The following MUL1 variants were observed in gnomAD, a reference collection of about 807,000 sequenced individuals.
MUL1 encodes the protein mitochondrial E3 ubiquitin protein ligase 1.
In MUL1, 30 loss-of-function variants were observed where a neutral mutation model predicts 34.1. That is an observed-to-expected ratio of 0.88 (90% CI 0.66 to 1.19). The LOEUF (loss-of-function observed/expected upper bound fraction) is 1.19, where lower values mean the gene tolerates loss of function less well. Ranked by LOEUF, MUL1 falls within the 50% of genes most tolerant of loss-of-function variation. The probability of loss-of-function intolerance (pLI) is 0.00; values close to 1 mark genes in which losing one functional copy is unlikely to be tolerated. For synonymous variants in MUL1, 191 were observed against 187.8 expected, an observed-to-expected ratio of 1.02 and a Z score of -0.14; for missense variants, 419 against 450.5, an observed-to-expected ratio of 0.93 and a Z score of 0.63.
Position 20,500,765 on chromosome 1 carries a change from G to A in MUL1, c.984C>T (p.Arg328=), listed in dbSNP as rs148112540. 1.3e-3 allele frequency: 2,146 copies of A among 1,613,792 alleles called. 1 individual carries two copies. Among genetic ancestry groups the A allele is most frequent in the Middle Eastern group, 2.6e-3 (16 of 6,060 alleles). ...GHVCSCTECY[R]ALPEPKKCPI... ...GGCACTTCTTGGGCTCTGGCAAGGC[G>A]CGGTAGCACTCGGTGCAGGAACAAA... Residue 328 remains arginine, a synonymous_variant, in exon 4 of 4, where the codon CGC becomes CGT. Transcript: ENST00000264198.
At chr1:20,504,749 G>A (rs2051696724) in intron 1 of MUL1, among the ~76,000 whole-genome samples, 2 of 152,192 alleles carry the variant, frequency 1.3e-5, no homozygotes, top group South Asian at 2.1e-4. Flanking sequence ...CACACAGCAA[G>A]CATTTAATAC....
rs545543120 is a variant in MUL1 at position 20,501,580 on chromosome 1, T to C, written c.330-161A>G. On this transcript the variant is annotated intron_variant, in intron 3 of 3. Coordinates refer to ENST00000264198, the MANE Select transcript of MUL1 (RefSeq NM_024544.3). This position sits in a 1 kb window ranked among gnomAD's most constrained non-coding sequence, Gnocchi z 4.2. ...TTGCCTCCTAACAAGGAGGCTCCAT[T>C]TGTAGGTCCTGGGGCGATATCAGTG... 6.6e-6 allele frequency among the ~76,000 whole-genome samples: 1 copy of C among 152,266 alleles called. No homozygotes were observed. The highest frequency in any genetic ancestry group is 6.5e-5 in the Admixed American group (1 of 15,286).
Position 20,501,262 on chromosome 1 carries a change from T to G in MUL1, c.487A>C (p.Ile163Leu), listed in dbSNP as rs758388916. The stretch of plus-strand genomic sequence containing the variant: ...CCGATGACATCGGTGAAGGACTGAA[T>G]CGAGGGGTGGAACTTCTCATACACA... ...ETVYEKFHPS[I>L]QSFTDVIGHY... Residue 163 changes from isoleucine to leucine, a missense_variant, in exon 4 of 4, where the codon ATT (isoleucine) becomes CTT (leucine). Ile to Leu is a conservative substitution (Grantham distance 5, BLOSUM62 2). Coordinates refer to ENST00000264198, the MANE Select transcript of MUL1 (RefSeq NM_024544.3). The surrounding 1 kb of genome is among the most constrained non-coding windows in gnomAD (Gnocchi z 4.2). 6.2e-7 allele frequency: 1 copy of G among 1,614,138 alleles called. No homozygotes were observed. Among genetic ancestry groups the G allele is most frequent in the Non-Finnish European group, 8.5e-7 (1 of 1,180,026 alleles).
In MUL1 at chr1:20,501,561, C is replaced by T; in HGVS notation, c.330-142G>A. ...GTAAGATCACTATCTCCAGTTGCCT[C>T]CTAACAAGGAGGCTCCATTTGTAGG... is the stretch of plus-strand genomic sequence containing the variant. On this transcript the variant is annotated intron_variant, in intron 3 of 3. Transcript: ENST00000264198. This position sits in a 1 kb window ranked among gnomAD's most constrained non-coding sequence, Gnocchi z 4.2. 1.1e-6 allele frequency: 1 copy of T among 947,376 alleles called. No individual in the cohort carries two copies. Among genetic ancestry groups the T allele is most frequent in the Non-Finnish European group, 1.5e-6 (1 of 651,070 alleles). The allele number at this position is 947,376 out of a possible 1,614,324, so 58.7% of individuals were successfully genotyped here.
At chr1:20,506,980 C>T (rs1295735609) in intron 1 of MUL1, among the ~76,000 whole-genome samples, 1 of 152,164 alleles carries the variant, frequency 6.6e-6, no homozygotes, top group Non-Finnish European at 1.5e-5. Context: ...TACATCCCAA[C>T]GCTTCGGAGA....
In MUL1 at chr1:20,501,472, G is replaced by A; in HGVS notation, c.330-53C>T. Reference sequence around the variant, plus strand: ...AGGGTAGCAAACAGCAAACACCCAGGCAGAACTGGAGATCAACTAAATGTG... The same window carrying A: ...AGGGTAGCAAACAGCAAACACCCAGACAGAACTGGAGATCAACTAAATGTG... On this transcript the variant is annotated intron_variant, in intron 3 of 3. Transcript: ENST00000264198. This position sits in a 1 kb window ranked among gnomAD's most constrained non-coding sequence, Gnocchi z 4.2. The A allele has an allele frequency of 6.4e-7, 1 of 1,558,234 alleles. No individual in the cohort carries two copies. Among genetic ancestry groups the A allele is most frequent in the South Asian group, 1.2e-5 (1 of 83,722 alleles).
chr1:20,504,284 C>G (rs573585018), intron 1 of MUL1, among the ~76,000 whole-genome samples: 2 of 152,176 alleles, frequency 1.3e-5, no homozygotes, highest in South Asian at 4.1e-4. Context: ...GAGCGTCCAA[C>G]CCACTGCACT....
chr1:20,504,208 G>A (rs2051691568), intron 1 of MUL1, among the ~76,000 whole-genome samples: 1 of 152,094 alleles, frequency 6.6e-6, no homozygotes, highest in Non-Finnish European at 1.5e-5. Context: ...ATAATTAAGT[G>A]AGCACGGTTC....
rs369085744 is a variant in MUL1, at chr1:20,501,248, G to A, written c.501C>T (p.Thr167=). The A allele has an allele frequency of 1.4e-5, 22 of 1,614,016 alleles. No homozygotes were observed. The highest frequency in any genetic ancestry group is 4.0e-5 in the African/African-American group (3 of 74,912). The change falls in exon 4 of 4, where the codon ACC becomes ACT. Residue 167 remains threonine (T), a synonymous_variant. Transcript: ENST00000264198. The surrounding 1 kb of genome is among the most constrained non-coding windows in gnomAD (Gnocchi z 4.2). The part of the protein sequence containing the change: ...EKFHPSIQSF[T]DVIGHYISGE... ...CGCTGATGTAGTGGCCGATGACATCGGTGAAGGACTGAATCGAGGGGTGGA... is the reference window on the plus strand; with the variant it reads ...CGCTGATGTAGTGGCCGATGACATCAGTGAAGGACTGAATCGAGGGGTGGA...
intron 1 of MUL1, among the ~76,000 whole-genome samples, chr1:20,504,629 C>G (rs1324889237): frequency 1.3e-5 from 2 of 152,188 alleles, no homozygotes; most frequent in African/African-American, 4.8e-5. Flanking sequence ...TAACAACTAA[C>G]AATTTACTCA....
chr1:20,500,926 T>A lies in MUL1; in HGVS notation c.823A>T (p.Met275Leu). Residue 275 changes from methionine (M) to leucine (L), a missense_variant, in exon 4 of 4, where the codon ATG becomes TTG. Met to Leu is a conservative substitution (Grantham distance 15). Coordinates refer to ENST00000264198, the MANE Select transcript of MUL1 (RefSeq NM_024544.3). ...QRQERLRLKQMQEEFQEHEAQ... is the reference protein window; with the variant it reads ...QRQERLRLKQLQEEFQEHEAQ... Reference sequence around the variant, plus strand: ...TCATGCTCCTGGAACTCCTCCTGCATCTGCTTGAGGCGCAGGCGCTCCTGC... The same window carrying A: ...TCATGCTCCTGGAACTCCTCCTGCAACTGCTTGAGGCGCAGGCGCTCCTGC... 1 of 1,614,124 alleles carries A rather than the reference T, an allele frequency of 6.2e-7. No individual in the cohort carries two copies.
chr1:20,508,106 G>A lies in MUL1; in HGVS notation c.-82C>T, dbSNP rs2051736894. 16 of 1,517,662 alleles carry A rather than the reference G, an allele frequency of 1.1e-5. No homozygotes were observed. Among genetic ancestry groups the A allele is most frequent in the South Asian group, 9.9e-5 (8 of 80,690 alleles). 94.0% of individuals were successfully genotyped at this position (1,517,662 alleles called of 1,614,324 possible). On this transcript the variant is annotated 5_prime_UTR_variant, in exon 1 of 4. Transcript: ENST00000264198. Reference sequence around the variant, plus strand: ...CGACTCTCCACCTCCTTCCGACCAGGACCGCACCCCCCCGGCCTAACCTGA... The same window carrying A: ...CGACTCTCCACCTCCTTCCGACCAGAACCGCACCCCCCCGGCCTAACCTGA...
At chr1:20,506,140 C>T (rs2051711669) in intron 1 of MUL1, among the ~76,000 whole-genome samples, 1 of 152,114 alleles carries the variant, frequency 6.6e-6, no homozygotes, top group African/African-American at 2.4e-5. Context: ...GCCTGGCCCA[C>T]ACATTAGTTT....
rs780975098 is a variant in MUL1 at position 20,500,996 on chromosome 1, T to C, written c.753A>G (p.Thr251=). ...KVLALVFGFA[T]CATLFFILRK... ...GGAGAATGAAGAAGAGGGTGGCACATGTGGCAAAGCCAAAAACCAGCGCCA... is the reference window on the plus strand; with the variant it reads ...GGAGAATGAAGAAGAGGGTGGCACACGTGGCAAAGCCAAAAACCAGCGCCA... The change falls in exon 4 of 4, where the codon ACA becomes ACG. Residue 251 remains threonine (T), a synonymous_variant. Transcript: ENST00000264198. 26 of 1,613,924 alleles carry C rather than the reference T, an allele frequency of 1.6e-5. No homozygotes were observed. Among genetic ancestry groups the C allele is most frequent in the African/African-American group, 1.6e-4 (12 of 74,934 alleles).
In MUL1 at chr1:20,500,497, C is replaced by G. The variant is rs180860887; in HGVS notation, c.*193G>C. 2.9e-4 allele frequency: 192 copies of G among 660,456 alleles called. No individual in the cohort carries two copies. The East Asian group carries it at 5.0e-3, about 17-fold the overall frequency. 40.9% of individuals were successfully genotyped at this position (660,456 alleles called of 1,614,324 possible). ...TGATGAGGCTGCACATGGACAGGGT[C>G]CCCTCTCAGGTGGGAAAGGCAGCAT... On this transcript the variant is annotated 3_prime_UTR_variant, in exon 4 of 4. Transcript: ENST00000264198.
At position 20,500,850 on chromosome 1, in the gene MUL1, C is replaced by T; in HGVS notation, c.899G>A (p.Ser300Asn). The T allele has an allele frequency of 6.2e-7, 1 of 1,614,210 alleles. No individual in the cohort carries two copies. Among genetic ancestry groups the T allele is most frequent in the Non-Finnish European group, 8.5e-7 (1 of 1,180,032 alleles). The change falls in exon 4 of 4, where the codon AGC becomes AAC. Residue 300 changes from serine (S) to asparagine (N), a missense_variant. Transcript: ENST00000264198. ...GCTGCTCAGACACACTACACAGGCG[C>T]TCTTCAGACTCTCCCTGTCCTCAGG... is the stretch of plus-strand genomic sequence containing the variant. ...AKPEDRESLKSACVVCLSSFK... is the reference protein window; with the variant it reads ...AKPEDRESLKNACVVCLSSFK...
intron 2 of MUL1, 68 bp downstream of exon 2, chr1:20,503,154 C>T: frequency 8.5e-7 from 1 of 1,181,526 alleles, no homozygotes; most frequent in Non-Finnish European, 1.2e-6. Flanking sequence ...TTCATATTAG[C>T]CAAGATGATC....
chr1:20,502,799 G>T lies in MUL1; in HGVS notation c.208+423C>A, dbSNP rs548780222. On this transcript the variant is annotated intron_variant, in intron 2 of 3. Coordinates refer to ENST00000264198, the MANE Select transcript of MUL1 (RefSeq NM_024544.3). ...TCAGCCCATCTCAGCCTCCCAAAGT[G>T]CTGGGATTACAGGCATGAGCTACCA... Among the ~76,000 whole-genome samples, 220 of 152,128 alleles carry T rather than the reference G, an allele frequency of 1.4e-3. No individual in the cohort carries two copies. In the Middle Eastern group the frequency reaches 0.024, roughly 16 times the overall value.
At chr1:20,506,184 G>A (rs1269979179) in intron 1 of MUL1, among the ~76,000 whole-genome samples, 1 of 152,134 alleles carries the variant, frequency 6.6e-6, no homozygotes, top group Non-Finnish European at 1.5e-5. Flanking sequence ...TGATAATTAA[G>A]TTAGTCAGGT....
Sources: gnomAD v4.1 joint callset for allele counts (sites outside exome capture counted in the v4.1 genomes callset) on GRCh38, gnomAD v4.1.1 for gene constraint, Gnocchi (gnomAD v3.1) non-coding constraint, MANE v1.5 for transcripts, NCBI Gene and HGNC (gene_info 2026-07-23, HGNC 2026-07-21) for gene names.